The following WDFY3 variants were observed in gnomAD, a reference collection of about 807,000 sequenced individuals.
The protein encoded by WDFY3 is WD repeat and FYVE domain-containing protein 3.
Under a neutral mutation model 409.6 loss-of-function variants are expected in WDFY3, and 66 were observed. The ratio of observed to expected loss-of-function variants is 0.16; its 90% CI spans 0.13 to 0.20. The LOEUF (loss-of-function observed/expected upper bound fraction) is 0.20, where lower values mean the gene tolerates loss of function less well. Among genes scored for constraint, WDFY3 ranks in the 10% least tolerant of loss-of-function variants. The pLI is 1.00. For synonymous variants in WDFY3, 1,521 were observed against 1,537.1 expected, an observed-to-expected ratio of 0.99 and a Z score of 0.25; for missense variants, 3,031 against 4,298.1, an observed-to-expected ratio of 0.71 and a Z score of 8.24.
chr4:84,767,756 C>T (rs1381210137), intron 30 of WDFY3, among the ~76,000 whole-genome samples: 2 of 152,116 alleles, frequency 1.3e-5, no homozygotes, highest in East Asian at 1.9e-4. Context: ...CTCTCTTCAA[C>T]TCTATGAAGG....
At chr4:84,877,087 G>A (rs1031927935) in intron 3 of WDFY3, among the ~76,000 whole-genome samples, 2 of 152,186 alleles carry the variant, frequency 1.3e-5, no homozygotes, top group Admixed American at 1.3e-4. Context: ...ATGTATGATT[G>A]ATTCTCATAA....
intron 2 of WDFY3, among the ~76,000 whole-genome samples, chr4:84,897,523 C>T (rs1765799918): frequency 6.6e-6 from 1 of 152,104 alleles, no homozygotes; most frequent in Non-Finnish European, 1.5e-5. Flanking sequence ...GCTGGGATTA[C>T]AGGTGTACGC....
At chr4:84,910,887 T>TC (rs1041511460) in intron 2 of WDFY3, among the ~76,000 whole-genome samples, 8 of 150,160 alleles carry the variant, frequency 5.3e-5, no homozygotes, top group African/African-American at 1.9e-4. Context: ...TTTCTGTATT[T>TC]TTTTTTTTTT....
intron 3 of WDFY3, among the ~76,000 whole-genome samples, chr4:84,872,786 G>A (rs1249707068): frequency 6.6e-6 from 1 of 152,124 alleles, no homozygotes; most frequent in Admixed American, 6.5e-5. Context: ...AAGAGATGGA[G>A]AGAAATATAC....
intron 63 of WDFY3, 78 bp from the exon 64 acceptor site, chr4:84,682,548 G>A: frequency 9.1e-7 from 1 of 1,101,108 alleles, no homozygotes; most frequent in East Asian, 2.5e-5. Context: ...AATGAAGAGA[G>A]ACTGTCAGGG....
At chr4:84,899,252 C>A (rs1033002210) in intron 2 of WDFY3, among the ~76,000 whole-genome samples, 1 of 152,040 alleles carries the variant, frequency 6.6e-6, no homozygotes, top group Admixed American at 6.6e-5. Flanking sequence ...AAAAATATAT[C>A]CAAGCCAAAA....
At chr4:84,774,708 A>G in intron 29 of WDFY3, 112 bp downstream of exon 29, 2 of 1,088,978 alleles carry the variant, frequency 1.8e-6, no homozygotes, top group Non-Finnish European at 2.6e-6. Context: ...TCGTATTAAC[A>G]TTACAGGTGT....
At chr4:84,946,060 C>A (rs191316551) in intron 1 of WDFY3, among the ~76,000 whole-genome samples, 6 of 152,194 alleles carry the variant, frequency 3.9e-5, no homozygotes, top group Non-Finnish European at 7.4e-5. Flanking sequence ...TCTGGCAGTG[C>A]CGTACACAGT....
intron 2 of WDFY3, among the ~76,000 whole-genome samples, chr4:84,911,818 C>G (rs1382451093): frequency 6.6e-6 from 1 of 152,060 alleles, no homozygotes; most frequent in Non-Finnish European, 1.5e-5. Context: ...TAAAATGTAT[C>G]AAGACTTACA....
At chr4:84,717,803 C>T (rs1458151488) in intron 48 of WDFY3, among the ~76,000 whole-genome samples, 3 of 152,114 alleles carry the variant, frequency 2.0e-5, no homozygotes, top group Non-Finnish European at 2.9e-5. Context: ...AATCCCAACA[C>T]TTTGGGAGGC....
intron 5 of WDFY3, among the ~76,000 whole-genome samples, chr4:84,846,921 A>G (rs1370344162): frequency 1.3e-5 from 2 of 152,028 alleles, no homozygotes; most frequent in Non-Finnish European, 1.5e-5. Flanking sequence ...CTTTGGAAGC[A>G]GAAGTAAATA....
chr4:84,938,927 A>C (rs1771767978), intron 1 of WDFY3, among the ~76,000 whole-genome samples: 1 of 152,192 alleles, frequency 6.6e-6, no homozygotes, highest in Non-Finnish European at 1.5e-5. Context: ...TAAGGAAAGC[A>C]CAGTGATCAA....
chr4:84,916,248 G>A (rs757900191), intron 2 of WDFY3, among the ~76,000 whole-genome samples: 1 of 151,948 alleles, frequency 6.6e-6, no homozygotes, highest in Non-Finnish European at 1.5e-5. Context: ...ACAAGAGATG[G>A]GCAGAGAAAA....
intron 3 of WDFY3, among the ~76,000 whole-genome samples, chr4:84,863,126 A>C (rs1351084583): frequency 6.6e-6 from 1 of 152,198 alleles, no homozygotes; most frequent in East Asian, 1.9e-4. Context: ...TCTTCTGTCA[A>C]GGGACATTCA....
Position 84,721,533 on chromosome 4 carries a change from G to A in WDFY3, c.7481C>T (p.Pro2494Leu), listed in dbSNP as rs1208495109. Residue 2494 changes from proline (P) to leucine (L), a missense_variant, in exon 47 of 68, where the codon CCT becomes CTT. Coordinates refer to ENST00000295888, the MANE Select transcript of WDFY3 (RefSeq NM_014991.6). ...CTGGTTCTCCTCATCTCCTCCATCA[G>A]GTGCAGATCGGGAGCGTTTTAGAGG... The part of the protein sequence containing the change: ...KPPLKRSRSA[P>L]DGGDEENQEQ... 1 of 1,610,202 alleles carries A rather than the reference G, an allele frequency of 6.2e-7. No individual in the cohort carries two copies. The highest frequency in any genetic ancestry group is 1.7e-5 in the Admixed American group (1 of 59,990).
At chr4:84,898,038 A>C (rs1156558714) in intron 2 of WDFY3, among the ~76,000 whole-genome samples, 1 of 152,232 alleles carries the variant, frequency 6.6e-6, no homozygotes, top group African/African-American at 2.4e-5. Context: ...AACCTATGGC[A>C]TATGAAAGAG....
chr4:84,836,904 G>A, intron 7 of WDFY3, 25 bp downstream of exon 7: 1 of 1,464,840 alleles, frequency 6.8e-7, no homozygotes, highest in Non-Finnish European at 9.1e-7. Flanking sequence ...ATAGGGTGGA[G>A]GTAGGCAAAT....
At chr4:84,727,001 A>C (rs939869314) in intron 44 of WDFY3, 90 bp from the exon 45 acceptor site, 2 of 1,175,812 alleles carry the variant, frequency 1.7e-6, no homozygotes. Flanking sequence ...ATTGTATGAA[A>C]TATGAAAGAT....
intron 48 of WDFY3, among the ~76,000 whole-genome samples, chr4:84,717,355 G>C (rs1734110394): frequency 6.6e-6 from 1 of 152,036 alleles, no homozygotes; most frequent in South Asian, 2.1e-4. Flanking sequence ...CTTTTAGGTA[G>C]AAAAACACAT....
Sources: gnomAD v4.1 joint callset for allele counts (sites outside exome capture counted in the v4.1 genomes callset) on GRCh38, gnomAD v4.1.1 for gene constraint, MANE v1.5 for transcripts, NCBI Gene and HGNC (gene_info 2026-07-23, HGNC 2026-07-21) for gene names.